PERM1: variants seen among roughly 807,000 people sequenced by gnomAD.
PERM1 encodes PGC-1 and ERR-induced regulator in muscle protein 1.
PERM1 carries 45 observed loss-of-function variants against 44.1 expected under a neutral mutation model. The observed-to-expected ratio is 1.02, with a 90% CI of 0.80 to 1.31. The LOEUF is 1.31. Among genes scored for constraint, PERM1 ranks in the 50% most tolerant of loss-of-function variants. The pLI, the probability that PERM1 is intolerant of heterozygous loss-of-function variation, is 0.00. For synonymous variants in PERM1, 565 were observed against 477.1 expected (o/e 1.18, Z -2.40); for missense variants, 1,189 against 1,106.9 (o/e 1.07, Z -1.05).
At chr1:979,743 T>C (rs755555749) in exon 1 of PERM1, 1 of 1,548,790 alleles carries the variant, frequency 6.5e-7, no homozygotes, top group South Asian at 1.2e-5. Flanking sequence ...CCGAGACAGG[T>C]GGAGATGAAG....
Position 980,519 on chromosome 1 carries a change from CGGG to C in PERM1, c.508_510del (p.Pro170del). ...CTCCGTGGTGGGGCTCCAGGGCTATCGGGGGGCCTCTGGGAGCCAGTGCTGTGG... is the reference window on the plus strand; with the variant it reads ...CTCCGTGGTGGGGCTCCAGGGCTATCGGGCCTCTGGGAGCCAGTGCTGTGG... On this transcript the variant is annotated inframe_deletion, in exon 1 of 3. Coordinates refer to ENST00000433179, the Ensembl canonical transcript of PERM1. 4 of 1,475,940 alleles carry C rather than the reference CGGG, an allele frequency of 2.7e-6. No homozygotes were observed. The South Asian group carries it at 5.7e-5, about 21-fold the overall frequency. The allele number at this position is 1,475,940 out of a possible 1,614,324, so 91.4% of individuals were successfully genotyped here.
At chr1:980,860 G>A (rs1643778126) in exon 1 of PERM1, 2 of 1,402,448 alleles carry the variant, frequency 1.4e-6, no homozygotes, top group Non-Finnish European at 1.8e-6. Context: ...TGGGAGAGGT[G>A]GGGCCCTGGG....
intron 2 of PERM1, 36 bp from the exon 4 acceptor site, chr1:976,305 C>G: frequency 6.8e-7 from 1 of 1,472,058 alleles, no homozygotes; most frequent in South Asian, 1.4e-5. Context: ...GAGGGCCAGC[C>G]TGGCTGTCGG....
upstream of PERM1, among the ~76,000 whole-genome samples, chr1:981,425 C>T (rs1015588391): frequency 1.3e-5 from 2 of 152,236 alleles, no homozygotes; most frequent in African/African-American, 4.8e-5. Context: ...GCAGCCTCAC[C>T]TCCTCCACCT....
chr1:976,441 C>A, intron 2 of PERM1, 58 bp downstream of exon 3: 2 of 1,548,490 alleles, frequency 1.3e-6, no homozygotes, highest in South Asian at 1.2e-5. Flanking sequence ...CCTCGTCCTG[C>A]CAGCGCCCCT....
chr1:975,978 C>G, exon 3 of PERM1: 1 of 588,100 alleles, frequency 1.7e-6, no homozygotes. Context: ...ACCTCCCTCC[C>G]AGGCGTGGGG....
exon 1 of PERM1, chr1:980,812 C>A: frequency 7.1e-7 from 1 of 1,399,210 alleles, no homozygotes; most frequent in Non-Finnish European, 9.2e-7. Context: ...CTCCTCGCAG[C>A]CCCGCCGGCT....
chr1:976,408 G>A, intron 2 of PERM1, 91 bp downstream of exon 3: 2 of 1,535,926 alleles, frequency 1.3e-6, no homozygotes, highest in Non-Finnish European at 1.8e-6. Context: ...GGTCAGGGGT[G>A]AGCCCCGGGG....
chr1:975,929 C>T, exon 3 of PERM1: 2 of 520,306 alleles, frequency 3.8e-6, no homozygotes, highest in Admixed American at 3.7e-5. Context: ...ACCCTCCTAC[C>T]CAGCCACCTG....
chr1:982,044 C>G, upstream of PERM1: 1 of 1,288,158 alleles, frequency 7.8e-7, no homozygotes. Context: ...GGTCAGGAGC[C>G]AGCAGCTGAC....
chr1:976,362 G>A (rs1022520835), intron 2 of PERM1, 93 bp from the exon 4 acceptor site: 5 of 1,478,058 alleles, frequency 3.4e-6, no homozygotes, highest in Admixed American at 2.4e-5. Flanking sequence ...GGCAAGGTCG[G>A]TGCGGCCAGG....
At chr1:976,526 G>A in exon 2 of PERM1, 2 of 1,549,584 alleles carry the variant, frequency 1.3e-6, no homozygotes, top group Non-Finnish European at 1.7e-6. Flanking sequence ...GGGGTATGCG[G>A]ATCTGACGTC....
exon 3 of PERM1, chr1:976,078 G>A: frequency 2.4e-6 from 3 of 1,249,656 alleles, no homozygotes; most frequent in South Asian, 1.5e-5. Context: ...AGAAGAGAGG[G>A]GTCAGAGGGC....
exon 1 of PERM1, chr1:979,107 A>T: frequency 1.3e-6 from 2 of 1,549,774 alleles, no homozygotes; most frequent in Non-Finnish European, 8.7e-7. Context: ...CCGGCACAGG[A>T]TCAGCTCTCG....
chr1:979,327 G>A lies in PERM1; in HGVS notation c.1703C>T (p.Thr568Met), dbSNP rs757477287. The change falls in exon 1 of 3, where the codon ACG becomes ATG. Residue 568 changes from threonine (T) to methionine (M), a missense_variant. Physicochemically the swap from Thr to Met is moderately conservative, Grantham distance 81. Transcript: ENST00000433179. ...AAAGCTGCTCCCGGGCCCGACCCTC[G>A]TCACGGCAGAGGGAGGGGGGCGAGG... is the stretch of plus-strand genomic sequence containing the variant. 113 of 1,529,510 alleles carry A rather than the reference G, an allele frequency of 7.4e-5. 1 individual carries two copies. The highest frequency in any genetic ancestry group is 7.3e-4 in the South Asian group (59 of 80,802). The allele number at this position is 1,529,510 out of a possible 1,614,324, so 94.7% of individuals were successfully genotyped here.
chr1:980,112 C>T lies in PERM1; in HGVS notation c.918G>A (p.Glu306=), dbSNP rs533981218. 5 of 1,550,028 alleles carry T rather than the reference C, an allele frequency of 3.2e-6. No individual in the cohort carries two copies. In the Admixed American group the frequency reaches 9.8e-5, roughly 30 times the overall value. Residue 306 remains glutamate (E), a synonymous_variant, in exon 1 of 3, where the codon GAG becomes GAA. Coordinates refer to ENST00000433179, the Ensembl canonical transcript of PERM1. ...CAGCCATGTCCCTGTCAGGTTGCGG[C>T]TCGGAGGCAGGTGTAGACACAGCCA...
At chr1:978,989 G>T in exon 1 of PERM1, 1 of 1,523,348 alleles carries the variant, frequency 6.6e-7, no homozygotes, top group Non-Finnish European at 8.8e-7. Flanking sequence ...GCCTGCAGTG[G>T]GAGCGGGACA....
chr1:981,739 G>C (rs904044525), upstream of PERM1, among the ~76,000 whole-genome samples: 1 of 152,242 alleles, frequency 6.6e-6, no homozygotes, highest in Admixed American at 6.5e-5. Flanking sequence ...CAGCCACCTC[G>C]GGCCGTCCTC....
At chr1:981,971 T>G, upstream of PERM1, 1 of 1,101,996 alleles carries the variant, frequency 9.1e-7, no homozygotes, top group Non-Finnish European at 1.2e-6. Flanking sequence ...CCCACTGACC[T>G]TCGCCCTCCT....
Sources: allele counts gnomAD v4.1 joint callset (sites outside exome capture counted in the v4.1 genomes callset), GRCh38; gene constraint gnomAD v4.1.1; transcripts MANE v1.5; gene names NCBI Gene and HGNC (gene_info 2026-07-23, HGNC 2026-07-21).